BICD1: variants seen among roughly 807,000 people sequenced by gnomAD.
BICD1 encodes protein bicaudal D homolog 1.
In BICD1, 35 loss-of-function variants were observed where a neutral mutation model predicts 92.5. That is an observed-to-expected ratio of 0.38 (90% CI 0.29 to 0.50). The LOEUF is 0.50. Ranked by LOEUF, BICD1 falls within the 20% of genes least tolerant of loss-of-function variation. BICD1 has a pLI of 0.93. For missense variants in BICD1, 950 were observed against 1,189.8 expected (o/e 0.80, Z 2.97); for synonymous variants, 429 against 465.1 (o/e 0.92, Z 1.00).
intron 2 of BICD1, among the ~76,000 whole-genome samples, chr12:32,219,970 C>T (rs1467538422): frequency 6.6e-6 from 1 of 151,986 alleles, no homozygotes; most frequent in Non-Finnish European, 1.5e-5. Context: ...TTTGACAAAC[C>T]TGAGAAAAAC....
chr12:32,231,326 T>C (rs1388613863), intron 2 of BICD1, among the ~76,000 whole-genome samples: 1 of 151,896 alleles, frequency 6.6e-6, no homozygotes, highest in East Asian at 1.9e-4. Context: ...CTACAAAAAA[T>C]ACAAAAATTA....
intron 2 of BICD1, among the ~76,000 whole-genome samples, chr12:32,236,433 C>T (rs1831223786): frequency 6.6e-6 from 1 of 152,112 alleles, no homozygotes; most frequent in South Asian, 2.1e-4. Context: ...GATACTTAAT[C>T]CATAAATGTT....
chr12:32,350,462 G>A (rs989571753), intron 8 of BICD1, among the ~76,000 whole-genome samples: 3 of 152,134 alleles, frequency 2.0e-5, no homozygotes, highest in Non-Finnish European at 2.9e-5. Flanking sequence ...GGGTGACAGT[G>A]CCTACATAAA....
intron 2 of BICD1, among the ~76,000 whole-genome samples, chr12:32,241,219 T>C (rs1241341898): frequency 6.6e-6 from 1 of 152,220 alleles, no homozygotes; most frequent in Non-Finnish European, 1.5e-5. Flanking sequence ...GGCTGCAAAA[T>C]GTTTCCTTCA....
chr12:32,341,758 G>A (rs1265507552), intron 8 of BICD1, among the ~76,000 whole-genome samples: 1 of 152,046 alleles, frequency 6.6e-6, no homozygotes, highest in East Asian at 1.9e-4. Flanking sequence ...GAAAGTGACG[G>A]ACCATCCACA....
Position 32,107,059 on chromosome 12 carries a change from C to T in BICD1, c.-273C>T, listed in dbSNP as rs1391641751. The T allele has an allele frequency of 1.4e-5, 6 of 424,708 alleles. No homozygotes were observed. Among genetic ancestry groups the T allele is most frequent in the Non-Finnish European group, 2.6e-5 (6 of 234,624 alleles). 26.3% of individuals were successfully genotyped at this position (424,708 alleles called of 1,614,324 possible). A position where few individuals can be genotyped will look rare whatever the true frequency, so the allele number is the denominator to read the frequency against. On this transcript the variant is annotated 5_prime_UTR_variant, in exon 1 of 10. Transcript: ENST00000652176. ...ATGCCGCACGGCTGCTGACCGCACG[C>T]AGGGGCCGGCCCCGAGGACACATGC... is the stretch of plus-strand genomic sequence containing the variant.
At chr12:32,270,115 C>G (rs1161644035) in intron 2 of BICD1, among the ~76,000 whole-genome samples, 1 of 107,304 alleles carries the variant, frequency 9.3e-6, no homozygotes, top group Non-Finnish European at 2.0e-5. Flanking sequence ...AGCCAGACTC[C>G]CTCTAAAAAA....
rs192333734 is a variant in BICD1 at position 32,345,969 on chromosome 12, C to T, written c.2764+6990C>T. 9.9e-5 allele frequency among the ~76,000 whole-genome samples: 15 copies of T among 150,754 alleles called. No homozygotes were observed. The East Asian group carries it at 2.6e-3, about 26-fold the overall frequency. ...TTCAAGACCAGCCTGGGCAACATGG[C>T]GAAACCATGTCTCTACAAAAAATAA... On this transcript the variant is annotated intron_variant, in intron 8 of 9. Coordinates refer to ENST00000652176, the MANE Select transcript of BICD1 (RefSeq NM_001714.4).
Position 32,378,548 on chromosome 12 carries a change from T to G in BICD1, c.*921T>G, listed in dbSNP as rs779072811. On this transcript the variant is annotated 3_prime_UTR_variant, in exon 10 of 10. Transcript: ENST00000652176. The stretch of plus-strand genomic sequence containing the variant: ...GAAGGGAAAAAAATGGTGTGTTTAT[T>G]TAATGACCAGAATTTTTTTTACTTC... The G allele has an allele frequency of 2.0e-5, 3 of 152,212 alleles. No homozygotes were observed. Among genetic ancestry groups the G allele is most frequent in the Non-Finnish European group, 2.9e-5 (2 of 68,028 alleles). The allele number at this position is 152,212 out of a possible 1,614,324, so 9.4% of individuals were successfully genotyped here. A position where few individuals can be genotyped will look rare whatever the true frequency, so the allele number is the denominator to read the frequency against.
intron 1 of BICD1, among the ~76,000 whole-genome samples, chr12:32,172,567 T>C (rs1943976567): frequency 6.6e-6 from 1 of 152,200 alleles, no homozygotes; most frequent in Non-Finnish European, 1.5e-5. Flanking sequence ...TTCCCACAGC[T>C]TTAAGTGTTT....
chr12:32,124,145 T>C (rs1472320391), intron 1 of BICD1, among the ~76,000 whole-genome samples: 1 of 152,238 alleles, frequency 6.6e-6, no homozygotes, highest in Non-Finnish European at 1.5e-5. Flanking sequence ...GTGCTACAGT[T>C]GTCATTCAAG....
intron 9 of BICD1, among the ~76,000 whole-genome samples, chr12:32,376,136 T>C (rs1939948248): frequency 6.7e-6 from 1 of 149,320 alleles, no homozygotes; most frequent in Non-Finnish European, 1.5e-5. Context: ...CAAACTGGAG[T>C]ACAGTGGCGC....
At chr12:32,174,666 G>T (rs911991533) in intron 1 of BICD1, among the ~76,000 whole-genome samples, 1 of 152,110 alleles carries the variant, frequency 6.6e-6, no homozygotes, top group Non-Finnish European at 1.5e-5. Context: ...TATTCCCACT[G>T]ATGTATTTAC....
chr12:32,224,457 A>G (rs777364055), intron 2 of BICD1, among the ~76,000 whole-genome samples: 2 of 152,210 alleles, frequency 1.3e-5, no homozygotes, highest in Non-Finnish European at 2.9e-5. Context: ...TCCACAGGAG[A>G]GAGCTCTATT....
chr12:32,305,863 G>A lies in BICD1; in HGVS notation c.746G>A (p.Arg249Gln), dbSNP rs1264580521. 2 of 1,614,170 alleles carry A rather than the reference G, an allele frequency of 1.2e-6. No homozygotes were observed. Among genetic ancestry groups the A allele is most frequent in the Non-Finnish European group, 1.7e-6 (2 of 1,180,026 alleles). Residue 249 changes from arginine (R) to glutamine (Q), a missense_variant, in exon 4 of 10, where the codon CGG becomes CAG. Physicochemically the swap from Arg to Gln is conservative, Grantham distance 43 (BLOSUM62 1). Around this residue, in one of 5 missense-constraint regions of BICD1, gnomAD observed 246 missense variants for 258.4 expected, o/e 0.95. Transcript: ENST00000652176. ...GAAAGAGAGCAAAAGAACAACCTGC[G>A]GAAGGAGCTCTCCCAGTATATCAGC... ...KNEREQKNNL[R>Q]KELSQYISLN... is the part of the protein sequence containing the mutation.
At chr12:32,222,295 T>C (rs1945554905) in intron 2 of BICD1, among the ~76,000 whole-genome samples, 2 of 152,236 alleles carry the variant, frequency 1.3e-5, no homozygotes, top group African/African-American at 2.4e-5. Flanking sequence ...ATTAAGCCTA[T>C]AATTTAAAGT....
intron 2 of BICD1, among the ~76,000 whole-genome samples, chr12:32,282,004 T>C (rs1349742139): frequency 6.6e-6 from 1 of 152,122 alleles, no homozygotes; most frequent in African/African-American, 2.4e-5. Context: ...ATAAACACTT[T>C]TCAGATCACT....
At chr12:32,318,668 AAC>A (rs1309079696) in intron 4 of BICD1, among the ~76,000 whole-genome samples, 3 of 152,208 alleles carry the variant, frequency 2.0e-5, no homozygotes, top group Non-Finnish European at 4.4e-5. Context: ...CAGCCTGACC[AAC>A]ATGGAGAAAC....
intron 1 of BICD1, chr12:32,107,981 C>T (rs1430342668): frequency 2.3e-6 from 1 of 432,636 alleles, no homozygotes; most frequent in Non-Finnish European, 4.3e-6. Context: ...GGCACCTCAG[C>T]TTTCCTCTGG....
Sources: allele counts gnomAD v4.1 joint callset (sites outside exome capture counted in the v4.1 genomes callset), GRCh38; gene constraint gnomAD v4.1.1; regional missense constraint gnomAD v4.1.1; transcripts MANE v1.5; gene names NCBI Gene and HGNC (gene_info 2026-07-23, HGNC 2026-07-21).